The following SNX29 variants were observed in gnomAD, a reference collection of about 807,000 sequenced individuals.
SNX29 encodes sorting nexin 29, also known as sorting nexin-29.
In SNX29, 78 loss-of-function variants were observed where a neutral mutation model predicts 102.1. That is an observed-to-expected ratio of 0.76 (90% CI 0.64 to 0.92). The LOEUF (loss-of-function observed/expected upper bound fraction) is 0.92, where lower values mean the gene tolerates loss of function less well. Among genes scored for constraint, SNX29 ranks in the 40% least tolerant of loss-of-function variants. The probability of loss-of-function intolerance (pLI) is 0.00; values close to 1 mark genes in which losing one functional copy is unlikely to be tolerated. For synonymous variants in SNX29, 580 were observed against 414.5 expected, an observed-to-expected ratio of 1.40 and a Z score of -4.85; for missense variants, 1,280 against 1,061.7, an observed-to-expected ratio of 1.21 and a Z score of -2.86.
intron 13 of SNX29, among the ~76,000 whole-genome samples, chr16:12,136,014 A>G (rs2054645697): frequency 6.6e-6 from 1 of 152,198 alleles, no homozygotes; most frequent in African/African-American, 2.4e-5. Flanking sequence ...CCGGCCTCGC[A>G]GTTACTCTTC....
chr16:12,483,114 G>GTTTTTGTTTTTTTTTTTTTTTTTTTTTT (rs71139598), intron 19 of SNX29, among the ~76,000 whole-genome samples: 3 of 66,196 alleles, frequency 4.5e-5, no homozygotes, highest in Non-Finnish European at 8.3e-5. Context: ...AAGTTATTAA[G>GTTTTTGTTTTTTTTTTTTTTTTTTTTTT]TTTTTTTTTT....
At chr16:12,542,430 A>C (rs763598426) in intron 20 of SNX29, among the ~76,000 whole-genome samples, 19 of 152,178 alleles carry the variant, frequency 1.2e-4, no homozygotes, top group East Asian at 3.9e-4. Context: ...TCGCCTCCCA[A>C]GTTCAATTTT....
chr16:12,001,588 A>G (rs1049383717), intron 2 of SNX29, among the ~76,000 whole-genome samples: 1 of 152,132 alleles, frequency 6.6e-6, no homozygotes, highest in Non-Finnish European at 1.5e-5. Flanking sequence ...GTCATTTAAA[A>G]TTATATGTAT....
At position 12,356,174 on chromosome 16, in the gene SNX29, G is replaced by A; in HGVS notation, c.1794G>A (p.Met598Ile). Residue 598 changes from methionine to isoleucine, a missense_variant, in exon 16 of 21, where the codon ATG becomes ATA. Coordinates refer to ENST00000566228, the MANE Select transcript of SNX29 (RefSeq NM_032167.5). ...TGCTTGTGTTCCAGGTGGCAGAGATGCATGGCGAGCTGATTGAGTTCAACG... is the reference window on the plus strand; with the variant it reads ...TGCTTGTGTTCCAGGTGGCAGAGATACATGGCGAGCTGATTGAGTTCAACG... ...YERKLIEVAE[M>I]HGELIEFNER... 1 of 1,612,682 alleles carries A rather than the reference G, an allele frequency of 6.2e-7. No individual in the cohort carries two copies. Among genetic ancestry groups the A allele is most frequent in the Non-Finnish European group, 8.5e-7 (1 of 1,179,542 alleles).
chr16:12,526,438 G>C, intron 20 of SNX29: 2 of 411,620 alleles, frequency 4.9e-6, no homozygotes, highest in Non-Finnish European at 9.4e-6. Flanking sequence ...GTTTTTGTGA[G>C]AAGACATTAT....
At chr16:12,500,297 C>T (rs1237723027) in intron 19 of SNX29, among the ~76,000 whole-genome samples, 2 of 152,160 alleles carry the variant, frequency 1.3e-5, no homozygotes, top group East Asian at 1.9e-4. Flanking sequence ...TTCTCCTGGC[C>T]CTGCATTTGT....
chr16:12,055,522 C>T (rs552422071), intron 8 of SNX29, among the ~76,000 whole-genome samples: 6 of 152,114 alleles, frequency 3.9e-5, no homozygotes, highest in South Asian at 4.1e-4. Context: ...TGAGCCACCA[C>T]GCCTGGTCTT....
intron 15 of SNX29, among the ~76,000 whole-genome samples, chr16:12,334,795 T>G (rs1596960503): frequency 6.6e-6 from 1 of 151,920 alleles, no homozygotes; most frequent in Non-Finnish European, 1.5e-5. Context: ...GTCCTCACCA[T>G]GTCACCCCAT....
chr16:12,028,515 C>G (rs1422660953), intron 4 of SNX29, among the ~76,000 whole-genome samples: 1 of 151,912 alleles, frequency 6.6e-6, no homozygotes, highest in Non-Finnish European at 1.5e-5. Flanking sequence ...AGGCTTGCAC[C>G]ACCATGCCCG....
At chr16:12,276,140 G>A (rs149187028) in intron 14 of SNX29, among the ~76,000 whole-genome samples, 4 of 152,014 alleles carry the variant, frequency 2.6e-5, no homozygotes, top group East Asian at 1.9e-4. Context: ...TGATCCACCC[G>A]CCTTGGCCTC....
intron 18 of SNX29, among the ~76,000 whole-genome samples, chr16:12,442,322 G>C (rs754219348): frequency 3.3e-5 from 5 of 152,230 alleles, no homozygotes; most frequent in African/African-American, 1.2e-4. Flanking sequence ...GATTACTCTG[G>C]CTTATTAGGA....
At chr16:12,539,352 C>T (rs974654197) in intron 20 of SNX29, among the ~76,000 whole-genome samples, 2 of 152,000 alleles carry the variant, frequency 1.3e-5, no homozygotes, top group South Asian at 2.1e-4. Flanking sequence ...TAAATGGAAT[C>T]ATACTGTAAG....
At chr16:12,464,919 T>C (rs915300906) in intron 18 of SNX29, among the ~76,000 whole-genome samples, 1 of 152,254 alleles carries the variant, frequency 6.6e-6, no homozygotes, top group Non-Finnish European at 1.5e-5. Flanking sequence ...CACTTGTCTC[T>C]TATCTTTTGG....
chr16:12,364,839 C>T (rs923485559), intron 16 of SNX29, among the ~76,000 whole-genome samples: 1 of 152,176 alleles, frequency 6.6e-6, no homozygotes, highest in East Asian at 1.9e-4. Flanking sequence ...GGAACCACTG[C>T]CCTGACTCCA....
At chr16:12,543,613 G>A (rs1014817564) in intron 20 of SNX29, among the ~76,000 whole-genome samples, 1 of 151,872 alleles carries the variant, frequency 6.6e-6, no homozygotes, top group Non-Finnish European at 1.5e-5. Flanking sequence ...GATGGAGTGG[G>A]CAGTGCCCCA....
chr16:12,464,811 C>A (rs1221795692), intron 18 of SNX29, among the ~76,000 whole-genome samples: 1 of 151,978 alleles, frequency 6.6e-6, no homozygotes, highest in African/African-American at 2.4e-5. Flanking sequence ...TATGGTAGTG[C>A]TATTTTTATT....
chr16:12,249,661 GTGTCTC>G (rs1488434435), intron 14 of SNX29, among the ~76,000 whole-genome samples: 1 of 152,202 alleles, frequency 6.6e-6, no homozygotes, highest in Non-Finnish European at 1.5e-5. Context: ...GAGCTTTTCT[GTGTCTC>G]TGTTTTTCTC....
At chr16:12,442,972 C>A in intron 18 of SNX29, 1 of 455,780 alleles carries the variant, frequency 2.2e-6, no homozygotes, top group Non-Finnish European at 4.4e-6. Context: ...AAGAATACTA[C>A]TTTTCTTTTG....
In SNX29 at chr16:12,188,589, T is replaced by C. The variant is rs891396594; in HGVS notation, c.1596-11012T>C. ...TTACCTTCTTGAGTGACGAGTTGTT[T>C]GGGCTGTTTCTCTGGCTCTGGATAT... On this transcript the variant is annotated intron_variant, in intron 13 of 20. Coordinates refer to ENST00000566228, the MANE Select transcript of SNX29 (RefSeq NM_032167.5). Among the ~76,000 whole-genome samples the C allele has an allele frequency of 1.4e-4, 22 of 152,340 alleles. No homozygotes were observed. The South Asian group carries it at 2.7e-3, about 19-fold the overall frequency.
Sources: gnomAD v4.1 joint callset for allele counts (sites outside exome capture counted in the v4.1 genomes callset) on GRCh38, gnomAD v4.1.1 for gene constraint, MANE v1.5 for transcripts, NCBI Gene and HGNC (gene_info 2026-07-23, HGNC 2026-07-21) for gene names.